The following RBKS variants were observed in gnomAD, a reference collection of about 807,000 sequenced individuals.
The protein encoded by RBKS is ribokinase.
RBKS carries 33 observed loss-of-function variants against 33.9 expected under a neutral mutation model. That is an observed-to-expected ratio of 0.97 (90% CI 0.74 to 1.30). The LOEUF is 1.30. Ranked by LOEUF, RBKS falls within the 50% of genes most tolerant of loss-of-function variation. The probability of loss-of-function intolerance (pLI) is 0.00; values close to 1 mark genes in which losing one functional copy is unlikely to be tolerated. For missense variants in RBKS, 361 were observed against 392.6 expected (o/e 0.92, Z 0.68); for synonymous variants, 125 against 143.0 (o/e 0.87, Z 0.90).
intron 7 of RBKS, among the ~76,000 whole-genome samples, chr2:27,805,677 C>G (rs145968394): frequency 6.6e-6 from 1 of 151,130 alleles, no homozygotes; most frequent in African/African-American, 2.4e-5. Flanking sequence ...CGGGTTCAAG[C>G]GATTCTCCTG....
chr2:27,817,118 C>T (rs1405658205), intron 7 of RBKS, among the ~76,000 whole-genome samples: 1 of 152,092 alleles, frequency 6.6e-6, no homozygotes, highest in Non-Finnish European at 1.5e-5. Context: ...CAGAAGGAAC[C>T]AGAACTCTTT....
At position 27,783,717 on chromosome 2, in the gene RBKS, C is replaced by T. The variant is rs1262494595; in HGVS notation, c.796-1929G>A. Among the ~76,000 whole-genome samples, 4 of 151,832 alleles carry T rather than the reference C, an allele frequency of 2.6e-5. No individual in the cohort carries two copies. In the East Asian group the frequency reaches 7.9e-4, roughly 30 times the overall value. On this transcript the variant is annotated intron_variant, in intron 7 of 7. Coordinates refer to ENST00000302188, the MANE Select transcript of RBKS (RefSeq NM_022128.3). ...GGTCAGGAGATCGAGACCATCCCGGCTAACACGGTGAAACCCCGTCTCTAC... is the reference window on the plus strand; with the variant it reads ...GGTCAGGAGATCGAGACCATCCCGGTTAACACGGTGAAACCCCGTCTCTAC...
rs1036137891 is a variant in RBKS at position 27,801,672 on chromosome 2, A to G, written c.796-19884T>C. Reference sequence around the variant, plus strand: ...CTGAGGCTGGCTAATTTATAAAGAAAAGAGATTTAACTGGCTCATGGTTTT... The same window carrying G: ...CTGAGGCTGGCTAATTTATAAAGAAGAGAGATTTAACTGGCTCATGGTTTT... On this transcript the variant is annotated intron_variant, in intron 7 of 7. Transcript: ENST00000302188. Among the ~76,000 whole-genome samples, 3 of 152,082 alleles carry G rather than the reference A, an allele frequency of 2.0e-5. No individual in the cohort carries two copies. In the South Asian group the frequency reaches 6.2e-4, roughly 32 times the overall value.
intron 4 of RBKS, among the ~76,000 whole-genome samples, chr2:27,846,338 C>G (rs1239774562): frequency 6.6e-6 from 1 of 152,194 alleles, no homozygotes; most frequent in African/African-American, 2.4e-5. Context: ...GAGTCTCACT[C>G]TGTCACGCAG....
At chr2:27,862,099 C>T (rs1240102903) in intron 1 of RBKS, among the ~76,000 whole-genome samples, 1 of 151,764 alleles carries the variant, frequency 6.6e-6, no homozygotes, top group African/African-American at 2.4e-5. Context: ...AGGTGCACAC[C>T]ACCACTCCTG....
At position 27,889,974 on chromosome 2, in the gene RBKS, C is replaced by T. The variant is rs145056795; in HGVS notation, c.89+283G>A. The stretch of plus-strand genomic sequence containing the variant: ...CCGGGCCAAGAAAGGTCTTTGGGGG[C>T]GCAAGTCTTTGGAGGGCAGGTCTTT... On this transcript the variant is annotated intron_variant, in intron 1 of 7. Transcript: ENST00000302188. The T allele has an allele frequency of 8.9e-5, 30 of 337,096 alleles. 1 individual carries two copies. Among genetic ancestry groups the T allele is most frequent in the African/African-American group, 5.7e-4 (27 of 47,170 alleles). 20.9% of individuals were successfully genotyped at this position (337,096 alleles called of 1,614,324 possible).
chr2:27,887,888 G>A (rs1299568428), intron 1 of RBKS, among the ~76,000 whole-genome samples: 1 of 152,062 alleles, frequency 6.6e-6, no homozygotes, highest in African/African-American at 2.4e-5. Flanking sequence ...AAAACTGAAG[G>A]ACTAGAATAA....
intron 6 of RBKS, among the ~76,000 whole-genome samples, chr2:27,830,232 T>A (rs2148204026): frequency 6.6e-6 from 1 of 152,330 alleles, no homozygotes; most frequent in African/African-American, 2.4e-5. Flanking sequence ...ATTTACATTA[T>A]TGCTGTGATT....
intron 6 of RBKS, among the ~76,000 whole-genome samples, chr2:27,830,990 C>G (rs1678405561): frequency 6.6e-6 from 1 of 152,172 alleles, no homozygotes; most frequent in Non-Finnish European, 1.5e-5. Context: ...CATGTTCTGG[C>G]CAACAACCTC....
chr2:27,847,036 A>C lies in RBKS; in HGVS notation c.349+6T>G. On this transcript the variant is annotated splice_donor_region_variant and intron_variant, in intron 4 of 7. Coordinates refer to ENST00000302188, the MANE Select transcript of RBKS (RefSeq NM_022128.3). The stretch of plus-strand genomic sequence containing the variant: ...GAAATGACACTCCAATATGCAAAAC[A>C]CTTACCTTCATTATTGACAATTATA... The C allele has an allele frequency of 1.3e-6, 2 of 1,587,606 alleles. No individual in the cohort carries two copies. The highest frequency in any genetic ancestry group is 1.7e-6 in the Non-Finnish European group (2 of 1,156,304).
intron 7 of RBKS, among the ~76,000 whole-genome samples, chr2:27,793,844 T>C (rs1163482223): frequency 6.6e-6 from 1 of 152,170 alleles, no homozygotes; most frequent in Non-Finnish European, 1.5e-5. Flanking sequence ...TGTCTGTGAC[T>C]TACTCTCAAA....
chr2:27,842,330 TG>T (rs1663528043), intron 5 of RBKS, among the ~76,000 whole-genome samples: 1 of 152,254 alleles, frequency 6.6e-6, no homozygotes, highest in South Asian at 2.1e-4. Flanking sequence ...TGGATTTCAC[TG>T]TACAATTCTG....
intron 4 of RBKS, 71 bp downstream of exon 4, chr2:27,846,971 T>C (rs1663633717): frequency 1.8e-6 from 2 of 1,091,354 alleles, no homozygotes; most frequent in African/African-American, 1.5e-5. Flanking sequence ...ATGGTAAAAA[T>C]TGATGCTTCT....
rs199589771 is a variant in RBKS, at chr2:27,832,674, A to G, written c.606+12T>C. 1.7e-4 allele frequency: 267 copies of G among 1,589,976 alleles called. No individual in the cohort carries two copies. The highest frequency in any genetic ancestry group is 4.8e-4 in the Admixed American group (29 of 59,892). ...GGTTTCTCATAGAATGAGCAAAGCA[A>G]TTCACCCTTACCTCACTTTCATTGC... On this transcript the variant is annotated intron_variant, in intron 6 of 7. Coordinates refer to ENST00000302188, the MANE Select transcript of RBKS (RefSeq NM_022128.3).
At chr2:27,861,116 C>T (rs748967226) in intron 1 of RBKS, among the ~76,000 whole-genome samples, 3 of 151,950 alleles carry the variant, frequency 2.0e-5, no homozygotes, top group Admixed American at 6.6e-5. Context: ...TACAGGGGTG[C>T]GCCACCAGGC....
rs1320802592 is a variant in RBKS at position 27,890,361 on chromosome 2, C to G, written c.-16G>C. ...ACGCCGCCATCGCTCAAAGGTGCTG[C>G]TGTCCAACCTGGACGGTGACCTCTG... On this transcript the variant is annotated 5_prime_UTR_variant, in exon 1 of 8. Coordinates refer to ENST00000302188, the MANE Select transcript of RBKS (RefSeq NM_022128.3). This position sits in a 1 kb window ranked among gnomAD's most constrained non-coding sequence, Gnocchi z 4.8. 6.2e-7 allele frequency: 1 copy of G among 1,610,660 alleles called. No individual in the cohort carries two copies. Among genetic ancestry groups the G allele is most frequent in the East Asian group, 2.2e-5 (1 of 44,698 alleles).
chr2:27,815,353 G>C lies in RBKS; in HGVS notation c.795+12214C>G, dbSNP rs550597221. On this transcript the variant is annotated intron_variant, in intron 7 of 7. Transcript: ENST00000302188. ...CTCCGAAGTAGTGGGGACTACAGAC[G>C]TGTGCCACCATGCTGGCTAACTTTT... is the stretch of plus-strand genomic sequence containing the variant. Among the ~76,000 whole-genome samples, 191 of 152,252 alleles carry C rather than the reference G, an allele frequency of 1.3e-3. 1 individual carries two copies. The highest frequency in any genetic ancestry group is 2.2e-3 in the Non-Finnish European group (147 of 68,030).
intron 1 of RBKS, among the ~76,000 whole-genome samples, chr2:27,864,177 C>T (rs927195727): frequency 6.6e-6 from 1 of 151,740 alleles, no homozygotes; most frequent in Non-Finnish European, 1.5e-5. Context: ...CGGGGGCACA[C>T]AACCATGCCC....
chr2:27,789,973 G>GTATATATATATATATATA (rs1285630907), intron 7 of RBKS, among the ~76,000 whole-genome samples: 1 of 85,260 alleles, frequency 1.2e-5, no homozygotes, highest in African/African-American at 4.8e-5. Flanking sequence ...ATATATATAT[G>GTATATATATATATATATA]TATATATATA....
Sources: gnomAD v4.1 joint callset for allele counts (sites outside exome capture counted in the v4.1 genomes callset) on GRCh38, gnomAD v4.1.1 for gene constraint, Gnocchi (gnomAD v3.1) non-coding constraint, MANE v1.5 for transcripts, NCBI Gene and HGNC (gene_info 2026-07-23, HGNC 2026-07-21) for gene names.